PIK3CB: variants seen among roughly 807,000 people sequenced by gnomAD.
PIK3CB encodes the protein phosphatidylinositol 4,5-bisphosphate 3-kinase catalytic subunit beta isoform.
A neutral mutation model predicts 136.8 loss-of-function variants in PIK3CB; 39 were observed. The ratio of observed to expected loss-of-function variants is 0.29; its 90% confidence interval spans 0.22 to 0.37. The LOEUF is 0.37. Among genes scored for constraint, PIK3CB ranks in the 10% least tolerant of loss-of-function variants. The pLI is 1.00. For missense variants in PIK3CB, 868 were observed against 1,275.4 expected (o/e 0.68, Z 4.87); for synonymous variants, 428 against 436.6 (o/e 0.98, Z 0.25).
intron 2 of PIK3CB, among the ~76,000 whole-genome samples, chr3:138,767,031 G>A (rs1055864664): frequency 6.6e-5 from 10 of 151,692 alleles, no homozygotes; most frequent in South Asian, 2.1e-4. Flanking sequence ...AAAAGTATCC[G>A]GGCATGGTGG....
intron 1 of PIK3CB, among the ~76,000 whole-genome samples, chr3:138,805,133 G>C (rs977089323): frequency 6.6e-6 from 1 of 151,928 alleles, no homozygotes; most frequent in Non-Finnish European, 1.5e-5. Flanking sequence ...TCAGGAGTTC[G>C]AGACCAGCCT....
In PIK3CB at chr3:138,786,665, C is replaced by T. The variant is rs187738700; in HGVS notation, c.-17+9798G>A. On this transcript the variant is annotated intron_variant, in intron 2 of 23. Transcript: ENST00000674063. ...CCAGCCTGTATTTAAATTTTAAATA[C>T]TATAAGTTTTATAAAATTATACTTA... 1.2e-3 allele frequency among the ~76,000 whole-genome samples: 190 copies of T among 152,162 alleles called. 4 individuals are homozygous for T. The East Asian group carries it at 0.028, about 23-fold the overall frequency.
intron 11 of PIK3CB, among the ~76,000 whole-genome samples, chr3:138,705,166 AAAAAAAACAAAAAACAAAACAAAC>A (rs1463279781): frequency 0.012 from 1,171 of 97,752 alleles, 203 homozygotes; most frequent in Non-Finnish European, 0.014. Context: ...AAAAAAAAAA[AAAAAAAACAAAAAACAAAACAAAC>A]AAAAAAAAAA....
intron 6 of PIK3CB, among the ~76,000 whole-genome samples, chr3:138,737,394 CAAAAAAA>C (rs11344311): frequency 5.1e-5 from 2 of 39,074 alleles, no homozygotes; most frequent in Non-Finnish European, 4.9e-5. Flanking sequence ...CACTCTGTCT[CAAAAAAA>C]AAAAAAAAAA....
At chr3:138,735,794 G>A (rs761850729) in intron 6 of PIK3CB, among the ~76,000 whole-genome samples, 14 of 151,884 alleles carry the variant, frequency 9.2e-5, no homozygotes, top group Admixed American at 1.3e-4. Flanking sequence ...TCAATGTATC[G>A]TAATTCAATT....
chr3:138,702,228 C>T (rs538468395), intron 12 of PIK3CB, among the ~76,000 whole-genome samples: 16 of 149,840 alleles, frequency 1.1e-4, no homozygotes, highest in South Asian at 2.1e-4. Flanking sequence ...CATGCCACCA[C>T]GCCCAGTTAA....
In PIK3CB at chr3:138,811,043, G is replaced by A. The variant is rs115510647; in HGVS notation, c.-121-14476C>T. Among the ~76,000 whole-genome samples, 1,358 of 151,830 alleles carry A rather than the reference G, an allele frequency of 8.9e-3. 19 individuals are homozygous for A. Among genetic ancestry groups the A allele is most frequent in the African/African-American group, 0.031 (1,288 of 41,404 alleles). On this transcript the variant is annotated intron_variant, in intron 1 of 23. Transcript: ENST00000674063. Reference sequence around the variant, plus strand: ...GGCGTTTGACACCAGCCTGGTCAACGTAGCGAAATTCTGTTCCTACTAAAA... The same window carrying A: ...GGCGTTTGACACCAGCCTGGTCAACATAGCGAAATTCTGTTCCTACTAAAA...
rs2043845551 is a variant in PIK3CB, at chr3:138,684,611, GCA to G, written c.2315+12_2315+13del. ...ATTCATAGGAGATTCACTGCGCAAAGCACAGTCACTTACTAGAGTTCTGAGAG... is the reference window on the plus strand; with the variant it reads ...ATTCATAGGAGATTCACTGCGCAAAGCAGTCACTTACTAGAGTTCTGAGAG... On this transcript the variant is annotated intron_variant, in intron 17 of 23. Transcript: ENST00000674063. 1.3e-6 allele frequency: 2 copies of G among 1,581,250 alleles called. No individual in the cohort carries two copies. Among genetic ancestry groups the G allele is most frequent in the Non-Finnish European group, 1.7e-6 (2 of 1,163,468 alleles).
chr3:138,705,139 C>A (rs2044336526), intron 11 of PIK3CB, among the ~76,000 whole-genome samples: 3 of 80,374 alleles, frequency 3.7e-5, no homozygotes, highest in Admixed American at 1.8e-4. Flanking sequence ...AAAGACTCTC[C>A]AAGAGATTAG....
Position 138,828,933 on chromosome 3 carries a change from G to T in PIK3CB, c.-122+5762C>A, listed in dbSNP as rs551485947. Among the ~76,000 whole-genome samples the T allele has an allele frequency of 1.1e-3, 170 of 150,306 alleles. 1 individual carries two copies. Among genetic ancestry groups the T allele is most frequent in the African/African-American group, 4.1e-3 (167 of 40,864 alleles). ...CTCCAGAATAGCTGGGATTACAGGC[G>T]CATGCCACCACACCAGGCTAATTTT... On this transcript the variant is annotated intron_variant, in intron 1 of 23. Coordinates refer to ENST00000674063, the MANE Select transcript of PIK3CB (RefSeq NM_006219.3).
intron 19 of PIK3CB, among the ~76,000 whole-genome samples, chr3:138,673,064 T>C (rs2043570131): frequency 6.6e-6 from 1 of 151,740 alleles, no homozygotes; most frequent in Non-Finnish European, 1.5e-5. Flanking sequence ...CACATAAAGA[T>C]ATGAAAAGAC....
At chr3:138,688,090 C>T (rs941858960) in intron 16 of PIK3CB, among the ~76,000 whole-genome samples, 1 of 152,092 alleles carries the variant, frequency 6.6e-6, no homozygotes, top group Admixed American at 6.5e-5. Context: ...AAGTTTTTAA[C>T]ATCATGAAAA....
In PIK3CB at chr3:138,833,036, A is replaced by T. The variant is rs572983707; in HGVS notation, c.-122+1659T>A. On this transcript the variant is annotated intron_variant, in intron 1 of 23. Coordinates refer to ENST00000674063, the MANE Select transcript of PIK3CB (RefSeq NM_006219.3). ...CAAAAAACAACAATAATTTTTTTTT[A>T]AAAAAGAAGCAAGATTCGGTCTCAA... Among the ~76,000 whole-genome samples the T allele has an allele frequency of 3.8e-4, 58 of 151,380 alleles. No individual in the cohort carries two copies. In the South Asian group the frequency reaches 8.0e-3, roughly 21 times the overall value.
At chr3:138,717,269 A>G (rs1448588949) in intron 8 of PIK3CB, among the ~76,000 whole-genome samples, 14 of 151,988 alleles carry the variant, frequency 9.2e-5, no homozygotes, top group Non-Finnish European at 5.9e-5. Context: ...AAAAAAAAAA[A>G]AAGAAGTAGT....
At chr3:138,739,660 G>T (rs989002042) in intron 5 of PIK3CB, among the ~76,000 whole-genome samples, 1 of 151,088 alleles carries the variant, frequency 6.6e-6, no homozygotes, top group African/African-American at 2.4e-5. Context: ...CAGCATCTTG[G>T]GAGGCCGAGG....
At chr3:138,677,062 T>TTTG (rs1213874452) in intron 19 of PIK3CB, among the ~76,000 whole-genome samples, 1 of 151,704 alleles carries the variant, frequency 6.6e-6, no homozygotes, top group Middle Eastern at 3.2e-3. Context: ...TGCAAGATTT[T>TTTG]TTTTTTTTTT....
At chr3:138,695,645 A>T (rs1044479474) in intron 13 of PIK3CB, among the ~76,000 whole-genome samples, 17 of 152,096 alleles carry the variant, frequency 1.1e-4, no homozygotes, top group Admixed American at 2.6e-4. Flanking sequence ...AATTAGCTTA[A>T]TTTTTTCAGT....
chr3:138,748,952 T>C (rs559462525), intron 4 of PIK3CB, among the ~76,000 whole-genome samples: 8 of 152,192 alleles, frequency 5.3e-5, no homozygotes, highest in Non-Finnish European at 1.0e-4. Flanking sequence ...AAAACAATAG[T>C]TGTTATTTCA....
At chr3:138,755,418 G>A (rs1208078960) in intron 4 of PIK3CB, among the ~76,000 whole-genome samples, 2 of 152,160 alleles carry the variant, frequency 1.3e-5, no homozygotes, top group Non-Finnish European at 1.5e-5. Flanking sequence ...AAGGTAGGAG[G>A]ATCACTTGAG....
Sources: gnomAD v4.1 joint callset for allele counts (sites outside exome capture counted in the v4.1 genomes callset) on GRCh38, gnomAD v4.1.1 for gene constraint, MANE v1.5 for transcripts, NCBI Gene and HGNC (gene_info 2026-07-23, HGNC 2026-07-21) for gene names.